Variants in CDH4 observed in about 807,000 individuals in gnomAD.
The protein encoded by CDH4 is cadherin-4.
Under a neutral mutation model 86.0 loss-of-function variants are expected in CDH4, and 33 were observed. The observed-to-expected ratio is 0.38, with a 90% CI of 0.29 to 0.51. CDH4 has a LOEUF of 0.51. Ranked by LOEUF, CDH4 falls within the 20% of genes least tolerant of loss-of-function variation. The pLI, the probability that CDH4 is intolerant of heterozygous loss-of-function variation, is 0.86. For missense variants in CDH4, 1,114 were observed against 1,307.4 expected (o/e 0.85, Z 2.28); for synonymous variants, 555 against 549.4 (o/e 1.01, Z -0.14).
intron 3 of CDH4, among the ~76,000 whole-genome samples, chr20:61,751,416 A>G (rs2088493941): frequency 6.6e-6 from 1 of 152,250 alleles, no homozygotes; most frequent in Non-Finnish European, 1.5e-5. Context: ...TTAGATAGAC[A>G]CTTGGAACAA....
At chr20:61,353,446 G>A (rs559519796) in intron 2 of CDH4, among the ~76,000 whole-genome samples, 79 of 152,094 alleles carry the variant, frequency 5.2e-4, no homozygotes, top group Admixed American at 2.2e-3. Context: ...TTTCACCACC[G>A]TTATCTAACT....
intron 4 of CDH4, 76 bp from the exon 5 acceptor site, chr20:61,844,592 G>T (rs966368562): frequency 7.1e-7 from 1 of 1,404,890 alleles, no homozygotes; most frequent in African/African-American, 1.4e-5. Flanking sequence ...CATGAGAGGG[G>T]ATGAATGTCA....
intron 2 of CDH4, among the ~76,000 whole-genome samples, chr20:61,612,276 C>A (rs975513557): frequency 5.9e-5 from 9 of 152,092 alleles, no homozygotes; most frequent in Non-Finnish European, 1.2e-4. Context: ...TACAATACAT[C>A]ATTATAACCT....
intron 2 of CDH4, among the ~76,000 whole-genome samples, chr20:61,446,271 T>C (rs2085349842): frequency 6.6e-6 from 1 of 152,244 alleles, no homozygotes; most frequent in South Asian, 2.1e-4. Flanking sequence ...TACAAGTTTG[T>C]CTCACTTTTA....
intron 2 of CDH4, among the ~76,000 whole-genome samples, chr20:61,367,610 T>C (rs2084818007): frequency 6.6e-6 from 1 of 151,640 alleles, no homozygotes; most frequent in African/African-American, 2.4e-5. Context: ...GATCATAACC[T>C]CCAGAATAAA....
intron 2 of CDH4, among the ~76,000 whole-genome samples, chr20:61,329,675 T>A (rs1399837255): frequency 2.0e-5 from 3 of 151,360 alleles, no homozygotes; most frequent in African/African-American, 7.3e-5. Flanking sequence ...ATTGTCACTT[T>A]AAAAAAAAAA....
chr20:61,918,766 G>C (rs578167026), intron 9 of CDH4, among the ~76,000 whole-genome samples: 2 of 152,330 alleles, frequency 1.3e-5, no homozygotes, highest in Admixed American at 1.3e-4. Flanking sequence ...CCCAGGACCA[G>C]AACTGTGATC....
intron 2 of CDH4, among the ~76,000 whole-genome samples, chr20:61,338,805 A>T (rs2084633643): frequency 6.6e-6 from 1 of 152,204 alleles, no homozygotes. Context: ...ATAATATTGT[A>T]AGGCTGAGAA....
intron 2 of CDH4, among the ~76,000 whole-genome samples, chr20:61,692,626 C>T (rs934124814): frequency 6.6e-6 from 1 of 152,170 alleles, no homozygotes; most frequent in South Asian, 2.1e-4. Flanking sequence ...GATCTGTGTC[C>T]GTGCGAGCAA....
rs1221179308 is a variant in CDH4, at chr20:61,544,739, AC to A, written c.170-198822del. 6.6e-6 allele frequency among the ~76,000 whole-genome samples: 1 copy of A among 151,952 alleles called. No homozygotes were observed. The highest frequency in any genetic ancestry group is 2.4e-5 in the African/African-American group (1 of 41,370). Reference sequence around the variant, plus strand: ...TAATTTTGGTGGAGAAAGTTGTAAAACCACCTGAATGAATTGGCTTGGTCCA... The same window carrying A: ...TAATTTTGGTGGAGAAAGTTGTAAAACACCTGAATGAATTGGCTTGGTCCA... On this transcript the variant is annotated intron_variant, in intron 2 of 15. Coordinates refer to ENST00000614565, the MANE Select transcript of CDH4 (RefSeq NM_001794.5). The surrounding 1 kb of genome is among the most constrained non-coding windows in gnomAD (Gnocchi z 6.5).
At chr20:61,487,089 G>C (rs1022788536) in intron 2 of CDH4, among the ~76,000 whole-genome samples, 3 of 152,138 alleles carry the variant, frequency 2.0e-5, no homozygotes, top group African/African-American at 7.2e-5. Context: ...TTACATTTAG[G>C]TCTGTGATCC....
chr20:61,780,580 A>C (rs1978485829), intron 4 of CDH4, among the ~76,000 whole-genome samples: 1 of 152,236 alleles, frequency 6.6e-6, no homozygotes, highest in Non-Finnish European at 1.5e-5. Flanking sequence ...TTGTTACGTT[A>C]GGGATACAGT....
chr20:61,608,199 C>T (rs116870199), intron 2 of CDH4, among the ~76,000 whole-genome samples: 8,129 of 152,238 alleles, frequency 0.053, 350 homozygotes, highest in Non-Finnish European at 0.08. Context: ...CTTGTCATAA[C>T]GCTTGATTAA....
chr20:61,510,340 A>G lies in CDH4; in HGVS notation c.170-233223A>G, dbSNP rs6121422. 1.3e-3 allele frequency among the ~76,000 whole-genome samples: 201 copies of G among 152,272 alleles called. No homozygotes were observed. The highest frequency in any genetic ancestry group is 4.6e-3 in the African/African-American group (193 of 41,550). On this transcript the variant is annotated intron_variant, in intron 2 of 15. Transcript: ENST00000614565. The surrounding 1 kb of genome is among the most constrained non-coding windows in gnomAD (Gnocchi z 4.2). ...TATTTGCCCAGGAGGATTGTGATGT[A>G]AGGCACAAGGCCCGACTCTGGAGAT...
intron 4 of CDH4, among the ~76,000 whole-genome samples, chr20:61,822,364 A>G (rs556190810): frequency 6.6e-5 from 10 of 152,384 alleles, no homozygotes; most frequent in Admixed American, 5.2e-4. Flanking sequence ...TTTACAGAGC[A>G]GAGCTATTGC....
At chr20:61,758,189 C>T (rs1163472126) in intron 3 of CDH4, among the ~76,000 whole-genome samples, 2 of 152,074 alleles carry the variant, frequency 1.3e-5, no homozygotes, top group African/African-American at 2.4e-5. Flanking sequence ...CTGTTTCATC[C>T]AGGGGTGCAG....
intron 8 of CDH4, among the ~76,000 whole-genome samples, chr20:61,907,575 G>A (rs1243415235): frequency 1.3e-5 from 2 of 152,222 alleles, no homozygotes; most frequent in African/African-American, 2.4e-5. Flanking sequence ...GGCCCAGTGT[G>A]TCCCACGGCG....
At chr20:61,486,996 C>T (rs1312442348) in intron 2 of CDH4, among the ~76,000 whole-genome samples, 4 of 152,126 alleles carry the variant, frequency 2.6e-5, no homozygotes, top group Non-Finnish European at 4.4e-5. Context: ...TGGTGCCTGG[C>T]AGAGGAAGGG....
rs34309371 is a variant in CDH4, at chr20:61,534,665, C to CTT, written c.170-208877_170-208876dup. ...CTTTCTTTCTTTTCTTTCTTTCTTTCTTTTTTTTTTTTTTTTTTTTTTGAG... is the reference window on the plus strand; with the variant it reads ...CTTTCTTTCTTTTCTTTCTTTCTTTCTTTTTTTTTTTTTTTTTTTTTTTTGAG... On this transcript the variant is annotated intron_variant, in intron 2 of 15. Transcript: ENST00000614565. 4.0e-3 allele frequency among the ~76,000 whole-genome samples: 304 copies of CTT among 75,944 alleles called. 3 individuals are homozygous for CTT. Among genetic ancestry groups the CTT allele is most frequent in the Middle Eastern group, 6.8e-3 (1 of 146 alleles). 49.8% of individuals were successfully genotyped at this position (75,944 alleles called of 152,430 possible). A position where few individuals can be genotyped will look rare whatever the true frequency, so the allele number is the denominator to read the frequency against.
Sources: gnomAD v4.1 joint callset for allele counts (sites outside exome capture counted in the v4.1 genomes callset) on GRCh38, gnomAD v4.1.1 for gene constraint, Gnocchi (gnomAD v3.1) non-coding constraint, MANE v1.5 for transcripts, NCBI Gene and HGNC (gene_info 2026-07-23, HGNC 2026-07-21) for gene names.